The following USP35 variants were observed in gnomAD, a reference collection of about 807,000 sequenced individuals.
USP35 encodes ubiquitin specific peptidase 35, also known as ubiquitin carboxyl-terminal hydrolase 35.
Under a neutral mutation model 83.8 loss-of-function variants are expected in USP35, and 69 were observed. The ratio of observed to expected loss-of-function variants is 0.82; its 90% confidence interval spans 0.68 to 1.01. The LOEUF (loss-of-function observed/expected upper bound fraction) is 1.01. Ranked by LOEUF, USP35 falls within the 50% of genes least tolerant of loss-of-function variation. The pLI is 0.00. For missense variants in USP35, 1,503 were observed against 1,362.5 expected, an observed-to-expected ratio of 1.10 and a Z score of -1.62; for synonymous variants, 714 against 589.5, an observed-to-expected ratio of 1.21 and a Z score of -3.06.
At chr11:78,223,004 C>T in the USP35 span, among the ~76,000 whole-genome samples, 2 of 152,214 alleles carry the variant, frequency 1.3e-5, no homozygotes, top group Non-Finnish European at 2.9e-5. Flanking sequence ...TTGAGGGCTT[C>T]AGTTCCAAAT....
chr11:78,198,123 C>T, intron 3 of USP35, 55 bp downstream of exon 3: 1 of 1,607,870 alleles, frequency 6.2e-7, no homozygotes, highest in Non-Finnish European at 8.5e-7. Flanking sequence ...CTCTCTTCCT[C>T]TCAGAAGCCC....
At chr11:78,231,512 G>A in the USP35 span, among the ~76,000 whole-genome samples, 27 of 152,240 alleles carry the variant, frequency 1.8e-4, no homozygotes, top group Non-Finnish European at 3.8e-4. Context: ...ACTGCACCTG[G>A]CTAATTTTTG....
At position 78,196,887 on chromosome 11, in the gene USP35, CAA is replaced by C; in HGVS notation, c.644_645del (p.Lys215ArgfsTer16). ...AGCCCGCCGCCATCCTGCCCTGCCT[CAA>C]AGAGCTGTTCGCAGTCATCTCCTGC... is the stretch of plus-strand genomic sequence containing the variant. ...AQPAAILPCL[K>X]ELFAVISCAE... On this transcript the variant is annotated frameshift_variant, in exon 2 of 11. Transcript: ENST00000529308. LOFTEE classifies it high-confidence loss of function. The surrounding 1 kb of genome is among the most constrained non-coding windows in gnomAD (Gnocchi z 4.8). 6.8e-7 allele frequency: 1 copy of C among 1,472,884 alleles called. No homozygotes were observed. The highest frequency in any genetic ancestry group is 9.0e-7 in the Non-Finnish European group (1 of 1,115,660). The allele number at this position is 1,472,884 out of a possible 1,614,324, so 91.2% of individuals were successfully genotyped here. A position where few individuals can be genotyped will look rare whatever the true frequency, so the allele number is the denominator to read the frequency against.
chr11:78,222,572 A>C, the USP35 span, among the ~76,000 whole-genome samples: 2 of 149,146 alleles, frequency 1.3e-5, no homozygotes, highest in African/African-American at 2.4e-5. Context: ...TATACTATTT[A>C]TATATTAACA....
chr11:78,203,930 G>A (rs57400648), intron 6 of USP35, among the ~76,000 whole-genome samples: 2,313 of 122,824 alleles, frequency 0.019, 76 homozygotes, highest in African/African-American at 0.072. Context: ...TCGCTCTGTC[G>A]TCCAGGCTGG....
At chr11:78,226,958 G>T in the USP35 span, 3 of 1,613,584 alleles carry the variant, frequency 1.9e-6, no homozygotes, top group Admixed American at 5.0e-5. Flanking sequence ...TGATCCCGTT[G>T]ACACAGTGTC....
At chr11:78,202,789 C>T (rs545361274) in intron 6 of USP35, among the ~76,000 whole-genome samples, 21 of 152,272 alleles carry the variant, frequency 1.4e-4, no homozygotes, top group African/African-American at 4.3e-4. Flanking sequence ...AGGTGTGTTG[C>T]CCAAGGGTTT....
At chr11:78,227,146 A>G in the USP35 span, 2 of 800,290 alleles carry the variant, frequency 2.5e-6, no homozygotes, top group Non-Finnish European at 4.1e-6. Context: ...ACTTTGGTTT[A>G]GGCATCTGTA....
At chr11:78,226,619 G>GGGGGGCCC in the USP35 span, 2 of 952,220 alleles carry the variant, frequency 2.1e-6, no homozygotes, top group Non-Finnish European at 3.2e-6. Context: ...GGCGGGGTGG[G>GGGGGGCCC]GGAGCTATGG....
intron 6 of USP35, 44 bp downstream of exon 6, chr11:78,200,852 AGGTACCAGTGT>A (rs1287984282): frequency 3.8e-6 from 6 of 1,558,988 alleles, no homozygotes; most frequent in Non-Finnish European, 5.2e-6. Context: ...ACTCTGACAA[AGGTACCAGTGT>A]GGGCCTTCCA....
At chr11:78,189,596 G>A (rs1477907097) in intron 1 of USP35, among the ~76,000 whole-genome samples, 4 of 152,136 alleles carry the variant, frequency 2.6e-5, no homozygotes, top group Non-Finnish European at 5.9e-5. Context: ...CCCTCTTACG[G>A]CCCTGGCCCT....
intron 1 of USP35, among the ~76,000 whole-genome samples, chr11:78,191,997 C>T (rs1376790148): frequency 6.6e-6 from 1 of 152,082 alleles, no homozygotes; most frequent in East Asian, 1.9e-4. Flanking sequence ...GTGCCCGCCA[C>T]CACGCCCGGC....
At chr11:78,194,322 CAG>C (rs750110836) in intron 1 of USP35, among the ~76,000 whole-genome samples, 8 of 152,172 alleles carry the variant, frequency 5.3e-5, no homozygotes, top group Non-Finnish European at 1.2e-4. Flanking sequence ...AGAACTAGAA[CAG>C]AGCAGGGAGC....
In USP35 at chr11:78,213,753, T is replaced by G; in HGVS notation, c.2997T>G (p.Ser999=). The G allele has an allele frequency of 1.3e-6, 2 of 1,543,864 alleles. No homozygotes were observed. The change falls in exon 11 of 11, where the codon TCT becomes TCG. Residue 999 remains serine (S), a synonymous_variant. Coordinates refer to ENST00000529308, the MANE Select transcript of USP35 (RefSeq NM_020798.4). ...AAGACAAGGATGAGGATGAAGGCTC[T>G]CCAGGGGGCTGCAATCCTGCAGGTG... ...FDEDKDEDEG[S]PGGCNPAGGN...
chr11:78,237,063 G>T, the USP35 span, among the ~76,000 whole-genome samples: 1 of 152,154 alleles, frequency 6.6e-6, no homozygotes, highest in Non-Finnish European at 1.5e-5. Flanking sequence ...CTCATAAAAT[G>T]AGCTGTGAAA....
chr11:78,196,174 G>A lies in USP35; in HGVS notation c.-10-62G>A, dbSNP rs1035901955. On this transcript the variant is annotated intron_variant, in intron 1 of 10. Transcript: ENST00000529308. This position sits in a 1 kb window ranked among gnomAD's most constrained non-coding sequence, Gnocchi z 4.8. Reference sequence around the variant, plus strand: ...CCCTAAGTCTCAGCACTCGGGGACTGCACCGGGAACTCTTGAGCCCCGCGG... The same window carrying A: ...CCCTAAGTCTCAGCACTCGGGGACTACACCGGGAACTCTTGAGCCCCGCGG... 1 of 1,506,140 alleles carries A rather than the reference G, an allele frequency of 6.6e-7. No homozygotes were observed. The highest frequency in any genetic ancestry group is 1.3e-5 in the South Asian group (1 of 78,858). 93.3% of individuals were successfully genotyped at this position (1,506,140 alleles called of 1,614,324 possible).
At chr11:78,235,015 G>A in the USP35 span, among the ~76,000 whole-genome samples, 1 of 151,898 alleles carries the variant, frequency 6.6e-6, no homozygotes, top group Non-Finnish European at 1.5e-5. Flanking sequence ...TTCTCCTCCC[G>A]GGCCACCGGG....
At chr11:78,207,054 T>G (rs1863551252) in intron 7 of USP35, among the ~76,000 whole-genome samples, 1 of 152,174 alleles carries the variant, frequency 6.6e-6, no homozygotes, top group Non-Finnish European at 1.5e-5. Flanking sequence ...ACAGGGGCTG[T>G]AGGAGTCGAT....
chr11:78,200,320 C>T, intron 5 of USP35, 86 bp downstream of exon 5: 1 of 1,478,226 alleles, frequency 6.8e-7, no homozygotes, highest in Admixed American at 1.8e-5. Flanking sequence ...GGTAAGGGCC[C>T]TGCCTGCTGA....
Sources: allele counts gnomAD v4.1 joint callset (sites outside exome capture counted in the v4.1 genomes callset), GRCh38; gene constraint gnomAD v4.1.1; non-coding constraint Gnocchi (gnomAD v3.1); transcripts MANE v1.5; gene names NCBI Gene and HGNC (gene_info 2026-07-23, HGNC 2026-07-21).